Variants in FAT2 observed in about 807,000 individuals in gnomAD.
FAT2 encodes FAT atypical cadherin 2, also known as protocadherin Fat 2.
A neutral mutation model predicts 295.3 loss-of-function variants in FAT2; 150 were observed. The ratio of observed to expected loss-of-function variants is 0.51; its 90% CI spans 0.44 to 0.58. The LOEUF is 0.58. Ranked by LOEUF, FAT2 falls within the 20% of genes least tolerant of loss-of-function variation. FAT2 has a pLI of 0.00. For missense variants in FAT2, 4,868 were observed against 5,442.7 expected (o/e 0.89, Z 3.32); for synonymous variants, 2,026 against 2,150.3 (o/e 0.94, Z 1.60).
At chr5:151,556,465 C>A (rs184145137) in intron 3 of FAT2, 63 bp from the exon 4 acceptor site, 1 of 1,078,998 alleles carries the variant, frequency 9.3e-7, no homozygotes, top group Non-Finnish European at 1.4e-6. Flanking sequence ...TTTACTGAGG[C>A]AACTTCAAGA....
In FAT2 at chr5:151,565,657, ACC is replaced by A; in HGVS notation, c.3259+14_3259+15del. On this transcript the variant is annotated intron_variant, in intron 2 of 23. Transcript: ENST00000261800. ...ACCTCTGGCCCTGGCACCCCACCCT[ACC>A]CCACCCCCAGTACCTGTATCTTGGT... is the stretch of plus-strand genomic sequence containing the variant. The A allele has an allele frequency of 9.6e-7, 1 of 1,038,300 alleles. No individual in the cohort carries two copies. The highest frequency in any genetic ancestry group is 1.8e-5 in the African/African-American group (1 of 55,226). The allele number at this position is 1,038,300 out of a possible 1,614,324, so 64.3% of individuals were successfully genotyped here.
At chr5:151,548,487 A>C (rs1266526924) in intron 9 of FAT2, among the ~76,000 whole-genome samples, 44 of 151,962 alleles carry the variant, frequency 2.9e-4, no homozygotes, top group Non-Finnish European at 1.5e-5. Context: ...ATTAACATAC[A>C]TTTTCTTTTT....
intron 4 of FAT2, among the ~76,000 whole-genome samples, chr5:151,555,289 T>C (rs1402484760): frequency 1.3e-5 from 2 of 152,192 alleles, no homozygotes; most frequent in African/African-American, 2.4e-5. Context: ...AAATATCTGT[T>C]ACTGAACTGT....
chr5:151,536,207 T>A (rs1429853092), intron 12 of FAT2, among the ~76,000 whole-genome samples: 1 of 134,224 alleles, frequency 7.5e-6, no homozygotes, highest in Non-Finnish European at 1.6e-5. Flanking sequence ...GAACATGTAT[T>A]ATTTCCATAT....
chr5:151,546,216 G>A lies in FAT2; in HGVS notation c.4911C>T (p.Ser1637=), dbSNP rs1256076560. The A allele has an allele frequency of 5.6e-6, 9 of 1,614,030 alleles. No individual in the cohort carries two copies. In the South Asian group the frequency reaches 6.6e-5, roughly 12 times the overall value. ...CTGTAGCCAGGTCATGCCATTGTGG[G>A]GAGCCTTGATCTTCTGCCTTCACTG... The part of the protein sequence containing the change: ...TLTVKAEDQG[S]PQWHDLATVI... Residue 1637 remains serine, a synonymous_variant, in exon 10 of 24, where the codon TCC becomes TCT. Transcript: ENST00000261800.
At position 151,543,934 on chromosome 5, in the gene FAT2, A is replaced by T; in HGVS notation, c.7193T>A (p.Val2398Asp). The change falls in exon 10 of 24, where the codon GTT (valine) becomes GAT (aspartate). Residue 2398 changes from valine (V) to aspartate (D), a missense_variant. By Grantham distance (152) the Val-to-Asp change is radical (BLOSUM62 -3). Coordinates refer to ENST00000261800, the MANE Select transcript of FAT2 (RefSeq NM_001447.3). ...VSELATCGHLVLKVQAIDPDS... is the reference protein window; with the variant it reads ...VSELATCGHLDLKVQAIDPDS... ...AGGGTCAATAGCCTGGACTTTAAGAACCAGGTGTCCACAGGTTGCCAGTTC... is the reference window on the plus strand; with the variant it reads ...AGGGTCAATAGCCTGGACTTTAAGATCCAGGTGTCCACAGGTTGCCAGTTC... 1 of 1,614,122 alleles carries T rather than the reference A, an allele frequency of 6.2e-7. No homozygotes were observed. Among genetic ancestry groups the T allele is most frequent in the Non-Finnish European group, 8.5e-7 (1 of 1,180,026 alleles).
chr5:151,584,046 G>T (rs1022084320), intron 1 of FAT2, among the ~76,000 whole-genome samples: 5 of 138,080 alleles, frequency 3.6e-5, no homozygotes, highest in South Asian at 4.8e-4. Context: ...CACTAGTAAA[G>T]GACTTCAAAG....
At chr5:151,537,348 GAA>G (rs751635122) in intron 12 of FAT2, among the ~76,000 whole-genome samples, 35 of 50,564 alleles carry the variant, frequency 6.9e-4, no homozygotes, top group South Asian at 1.5e-3. Context: ...GAAAAGAAAA[GAA>G]AAAAGAAGGA....
At position 151,527,467 on chromosome 5, in the gene FAT2, TAAG is replaced by T. The variant is rs972455605; in HGVS notation, c.10165-93_10165-91del. The stretch of plus-strand genomic sequence containing the variant: ...TCATCACTAATATTTTCAAAAAAAA[TAAG>T]AAGGAGACACTTTCCTATGCCCACC... On this transcript the variant is annotated intron_variant, in intron 16 of 23. Coordinates refer to ENST00000261800, the MANE Select transcript of FAT2 (RefSeq NM_001447.3). The T allele has an allele frequency of 4.6e-5, 61 of 1,328,278 alleles. No individual in the cohort carries two copies. In the African/African-American group the frequency reaches 6.2e-4, roughly 14 times the overall value. 82.3% of individuals were successfully genotyped at this position (1,328,278 alleles called of 1,614,324 possible). A position where few individuals can be genotyped will look rare whatever the true frequency, so the allele number is the denominator to read the frequency against.
chr5:151,507,331 G>A lies in FAT2; in HGVS notation c.12340C>T (p.Leu4114Phe), dbSNP rs1454827085. 2 of 1,614,206 alleles carry A rather than the reference G, an allele frequency of 1.2e-6. No individual in the cohort carries two copies. Among genetic ancestry groups the A allele is most frequent in the South Asian group, 1.1e-5 (1 of 91,086 alleles). ...NPLSASSCNN[L>F]NQPEPSKASV... is the part of the protein sequence containing the mutation. ...GCCTTGCTGGGTTCCGGTTGGTTGA[G>A]GTTGTTGCAGGAGCTGGCACTCAAT... Residue 4114 changes from leucine to phenylalanine, a missense_variant, in exon 23 of 24, where the codon CTC becomes TTC. This residue lies in a region of FAT2 where 492 missense variants were observed against 482.6 expected (regional missense o/e 1.02). Coordinates refer to ENST00000261800, the MANE Select transcript of FAT2 (RefSeq NM_001447.3).
upstream of FAT2, among the ~76,000 whole-genome samples, chr5:151,593,190 T>C (rs1457945066): frequency 6.6e-6 from 1 of 152,254 alleles, no homozygotes; most frequent in Non-Finnish European, 1.5e-5. Flanking sequence ...CTTGGCTGAT[T>C]GCCACTCAAG....
chr5:151,538,615 A>C (rs889392924), intron 11 of FAT2, among the ~76,000 whole-genome samples: 2 of 152,152 alleles, frequency 1.3e-5, no homozygotes, highest in African/African-American at 4.8e-5. Flanking sequence ...CATGGTTTCC[A>C]CCACTGTTGA....
At chr5:151,547,067 TTTAAA>T (rs1421078842) in intron 9 of FAT2, among the ~76,000 whole-genome samples, 1 of 152,216 alleles carries the variant, frequency 6.6e-6, no homozygotes, top group Non-Finnish European at 1.5e-5. Context: ...GATGTTTTCC[TTTAAA>T]TTAACTCACT....
Position 151,521,809 on chromosome 5 carries a change from C to A in FAT2, c.10784G>T (p.Arg3595Leu). ...CGTGACGTTGAACGAGTAGTGGCCA[C>A]GAGGCAGGCCCTGGGCGGCGATAAT... ...GKIIAAQGLPRGHYSFNVTVS... is the reference protein window; with the variant it reads ...GKIIAAQGLPLGHYSFNVTVS... Residue 3595 changes from arginine (R) to leucine (L), a missense_variant, in exon 19 of 24, where the codon CGT becomes CTT. Physicochemically the swap from Arg to Leu is moderately radical, Grantham distance 102 (BLOSUM62 -2). Coordinates refer to ENST00000261800, the MANE Select transcript of FAT2 (RefSeq NM_001447.3). 1 of 1,614,154 alleles carries A rather than the reference C, an allele frequency of 6.2e-7. No homozygotes were observed. The highest frequency in any genetic ancestry group is 8.5e-7 in the Non-Finnish European group (1 of 1,180,038).
intron 8 of FAT2, 80 bp from the exon 9 acceptor site, chr5:151,549,585 G>A: frequency 8.4e-7 from 1 of 1,194,472 alleles, no homozygotes; most frequent in South Asian, 1.3e-5. Context: ...TAATGAACTA[G>A]AATGCCAATT....
At chr5:151,593,495 C>A (rs963588555), upstream of FAT2, among the ~76,000 whole-genome samples, 1 of 152,182 alleles carries the variant, frequency 6.6e-6, no homozygotes, top group East Asian at 1.9e-4. Context: ...GCCCCAGGAC[C>A]TTTCTGGTGG....
At chr5:151,514,457 G>GT (rs1306666265) in intron 20 of FAT2, among the ~76,000 whole-genome samples, 1 of 151,988 alleles carries the variant, frequency 6.6e-6, no homozygotes, top group African/African-American at 2.4e-5. Context: ...AACTCTCTTG[G>GT]TAAACCCACA....
At position 151,544,548 on chromosome 5, in the gene FAT2, G is replaced by C. The variant is rs778314198; in HGVS notation, c.6579C>G (p.Thr2193=). The C allele has an allele frequency of 6.2e-7, 1 of 1,614,016 alleles. No homozygotes were observed. Among genetic ancestry groups the C allele is most frequent in the Non-Finnish European group, 8.5e-7 (1 of 1,179,976 alleles). ...NITLYTPILH[T]QARSPEGLRL... The stretch of plus-strand genomic sequence containing the variant: ...GGAGTCCCTCTGGACTCCGGGCCTG[G>C]GTGTGGAGAATTGGGGTATAGAGGG... The change falls in exon 10 of 24, where the codon ACC becomes ACG. Residue 2193 remains threonine (T), a synonymous_variant. Coordinates refer to ENST00000261800, the MANE Select transcript of FAT2 (RefSeq NM_001447.3).
chr5:151,582,712 G>A (rs1477634192), intron 1 of FAT2, among the ~76,000 whole-genome samples: 1 of 152,204 alleles, frequency 6.6e-6, no homozygotes, highest in Non-Finnish European at 1.5e-5. Context: ...GCAGTCTTTA[G>A]AAAGTGTTCA....
Sources: allele counts gnomAD v4.1 joint callset (sites outside exome capture counted in the v4.1 genomes callset), GRCh38; gene constraint gnomAD v4.1.1; regional missense constraint gnomAD v4.1.1; transcripts MANE v1.5; gene names NCBI Gene and HGNC (gene_info 2026-07-23, HGNC 2026-07-21).